Variants in OTOF observed in about 807,000 individuals in gnomAD.
The protein encoded by OTOF is fer-1-like family member 2.
A neutral mutation model predicts 236.8 loss-of-function variants in OTOF; 218 were observed. That is an observed-to-expected ratio of 0.92 (90% CI 0.82 to 1.03). The LOEUF (loss-of-function observed/expected upper bound fraction) is 1.03. OTOF is among the 50% of genes least tolerant of loss of function. The pLI, the probability that OTOF is intolerant of heterozygous loss-of-function variation, is 0.00. For missense variants in OTOF, 2,590 were observed against 2,694.4 expected (o/e 0.96, Z 0.86); for synonymous variants, 1,041 against 1,072.5 (o/e 0.97, Z 0.57).
Position 26,457,841 on chromosome 2 carries a change from T to C in OTOF, c.*397A>G, listed in dbSNP as rs1664258051. On this transcript the variant is annotated 3_prime_UTR_variant, in exon 47 of 47. Coordinates refer to ENST00000272371, the MANE Select transcript of OTOF (RefSeq NM_194248.3). This position sits in a 1 kb window ranked among gnomAD's most constrained non-coding sequence, Gnocchi z 4.4. ...AGGCTCCCCAGCCCACAGGCAGGGG[T>C]CAGAGGGGCGGGACTGGGCAAGCCG... 1.7e-6 allele frequency: 1 copy of C among 577,340 alleles called. No individual in the cohort carries two copies. The highest frequency in any genetic ancestry group is 3.1e-5 in the Admixed American group (1 of 32,420). The allele number at this position is 577,340 out of a possible 1,614,324, so 35.8% of individuals were successfully genotyped here.
At chr2:26,548,090 C>T (rs746785661) in intron 1 of OTOF, among the ~76,000 whole-genome samples, 1 of 151,908 alleles carries the variant, frequency 6.6e-6, no homozygotes, top group Non-Finnish European at 1.5e-5. Flanking sequence ...GGTAATATTC[C>T]CATATTTTCC....
In OTOF at chr2:26,460,219, G is replaced by T. The variant is rs755835380; in HGVS notation, c.5814-14C>A. 6 of 1,593,596 alleles carry T rather than the reference G, an allele frequency of 3.8e-6. No homozygotes were observed. In the African/African-American group the frequency reaches 6.7e-5, roughly 18 times the overall value. ...GTGTCGGGCCGGCTGGAGTATGAAG[G>T]GTAGAGAGCGCAGAGGAGGGACAGG... On this transcript the variant is annotated splice_polypyrimidine_tract_variant and intron_variant, in intron 45 of 46. Coordinates refer to ENST00000272371, the MANE Select transcript of OTOF (RefSeq NM_194248.3). This position sits in a 1 kb window ranked among gnomAD's most constrained non-coding sequence, Gnocchi z 5.3.
intron 3 of OTOF, among the ~76,000 whole-genome samples, chr2:26,524,930 G>T (rs1335687495): frequency 6.6e-6 from 1 of 152,190 alleles, no homozygotes; most frequent in Non-Finnish European, 1.5e-5. Flanking sequence ...TCCTTCAGGG[G>T]CTCTCAGGTG....
At chr2:26,487,247 C>G (rs1462485462) in intron 11 of OTOF, among the ~76,000 whole-genome samples, 1 of 152,146 alleles carries the variant, frequency 6.6e-6, no homozygotes, top group Non-Finnish European at 1.5e-5. Context: ...TGGCTGGAAC[C>G]AACGACTCAT....
chr2:26,459,252 A>G (rs535356623), intron 46 of OTOF, among the ~76,000 whole-genome samples: 4 of 152,256 alleles, frequency 2.6e-5, no homozygotes, highest in South Asian at 4.1e-4. Context: ...CTTTCTGCCA[A>G]TGAAATTGGG....
rs762098379 is a variant in OTOF, at chr2:26,477,269, G to A, written c.2426C>T (p.Ala809Val). The change falls in exon 21 of 47, where the codon GCC becomes GTC. Residue 809 changes from alanine to valine, a missense_variant. By Grantham distance (64) the Ala-to-Val change is moderately conservative. This residue lies in a region of OTOF where 1,379 missense variants were observed against 1,341.6 expected (regional missense o/e 1.03). Transcript: ENST00000272371. This position sits in a 1 kb window ranked among gnomAD's most constrained non-coding sequence, Gnocchi z 4.7. ...CTTCACCTGGGCCCGCAGCATCCTG[G>A]CCTGCTGCCCCATGTTTTCCTGCGA... Reference protein sequence around the residue: ...MRELENMGQQARMLRAQVKRH... With the variant: ...MRELENMGQQVRMLRAQVKRH... 9 of 1,609,216 alleles carry A rather than the reference G, an allele frequency of 5.6e-6. No individual in the cohort carries two copies. The East Asian group carries it at 1.6e-4, about 28-fold the overall frequency.
At chr2:26,514,142 G>A (rs1407149611) in intron 5 of OTOF, among the ~76,000 whole-genome samples, 1 of 152,270 alleles carries the variant, frequency 6.6e-6, no homozygotes, top group Non-Finnish European at 1.5e-5. Context: ...CCTGGCGGGA[G>A]AAGGTGTAGC....
At chr2:26,514,108 A>G (rs1391206699) in intron 5 of OTOF, among the ~76,000 whole-genome samples, 1 of 152,240 alleles carries the variant, frequency 6.6e-6, no homozygotes, top group Non-Finnish European at 1.5e-5. Context: ...TTCCACAACC[A>G]GGCCTGCTGG....
At chr2:26,509,260 G>C (rs961016584) in intron 5 of OTOF, among the ~76,000 whole-genome samples, 4 of 152,142 alleles carry the variant, frequency 2.6e-5, no homozygotes, top group Admixed American at 1.3e-4. Flanking sequence ...AACCCTTGAG[G>C]ACTCCCTAAG....
intron 1 of OTOF, among the ~76,000 whole-genome samples, chr2:26,542,785 G>T (rs1394001314): frequency 6.6e-6 from 1 of 152,198 alleles, no homozygotes; most frequent in Non-Finnish European, 1.5e-5. Flanking sequence ...CTGGAGAGGG[G>T]CTGGGGTCCC....
chr2:26,541,638 G>T (rs887963328), intron 1 of OTOF, among the ~76,000 whole-genome samples: 2 of 152,156 alleles, frequency 1.3e-5, no homozygotes, highest in Admixed American at 6.5e-5. Context: ...GTGATCAGGG[G>T]GATGACTAAC....
chr2:26,527,987 G>A lies in OTOF; in HGVS notation c.139-67C>T, dbSNP rs901171715. 5.3e-6 allele frequency: 6 copies of A among 1,136,592 alleles called. No homozygotes were observed. In the African/African-American group the frequency reaches 9.1e-5, roughly 17 times the overall value. 70.4% of individuals were successfully genotyped at this position (1,136,592 alleles called of 1,614,324 possible). A position where few individuals can be genotyped will look rare whatever the true frequency, so the allele number is the denominator to read the frequency against. ...GGTAGGAGCCGTGGGGTGTGGGAGG[G>A]GAATCTCTTGTGGGGATCTCCAACA... On this transcript the variant is annotated intron_variant, in intron 2 of 46. Transcript: ENST00000272371.
intron 1 of OTOF, among the ~76,000 whole-genome samples, chr2:26,546,568 G>T (rs766032394): frequency 5.3e-5 from 8 of 151,910 alleles, no homozygotes; most frequent in Non-Finnish European, 8.8e-5. Flanking sequence ...GGCTGCTTTA[G>T]CTATTCTAGA....
In OTOF at chr2:26,558,563, C is replaced by T. The variant is rs779861554; in HGVS notation, c.9G>A (p.Leu3=). 3.1e-6 allele frequency: 5 copies of T among 1,613,918 alleles called. No individual in the cohort carries two copies. Among genetic ancestry groups the T allele is most frequent in the Admixed American group, 1.7e-5 (1 of 60,030 alleles). The change falls in exon 1 of 47, where the codon TTG becomes TTA. Residue 3 remains leucine (L), a synonymous_variant. Transcript: ENST00000272371. ...CCGAGACTGTCTTGAGGTGGATGAG[C>T]AAGGCCATGCTGGTGTGGGCTGCCT... is the stretch of plus-strand genomic sequence containing the variant. MA[L]LIHLKTVSEL...
In OTOF at chr2:26,479,484, C is replaced by A. The variant is rs1665462160; in HGVS notation, c.2082G>T (p.Gln694His). The A allele has an allele frequency of 2.5e-6, 4 of 1,601,700 alleles. No homozygotes were observed. The highest frequency in any genetic ancestry group is 3.4e-6 in the Non-Finnish European group (4 of 1,175,104). ...GAGGCTGGGCCCACCTGTCGGTGAC[C>A]TGGGGCCGCATTGGTGGAGTGGAGG... ...SVSSTPPMRPQVTDRNYFHLP... is the reference protein window; with the variant it reads ...SVSSTPPMRPHVTDRNYFHLP... Residue 694 changes from glutamine to histidine, a missense_variant, in exon 17 of 47, where the codon CAG (glutamine) becomes CAT (histidine). This residue lies in a region of OTOF where 1,379 missense variants were observed against 1,341.6 expected (regional missense o/e 1.03). Transcript: ENST00000272371.
chr2:26,465,620 T>C (rs1351044272), intron 38 of OTOF, 52 bp downstream of exon 38: 6 of 1,566,018 alleles, frequency 3.8e-6, no homozygotes, highest in Middle Eastern at 1.7e-4. Context: ...CATTTTAGAG[T>C]GGAGGCAAAG....
chr2:26,533,068 C>T (rs1392109811), intron 2 of OTOF, among the ~76,000 whole-genome samples: 1 of 152,194 alleles, frequency 6.6e-6, no homozygotes, highest in East Asian at 1.9e-4. Context: ...GGTGAGCGAG[C>T]ATTCCCGCCT....
intron 5 of OTOF, among the ~76,000 whole-genome samples, chr2:26,508,010 A>G (rs998452208): frequency 1.3e-5 from 2 of 152,082 alleles, no homozygotes; most frequent in African/African-American, 2.4e-5. Flanking sequence ...CACCAAACTA[A>G]ATTTAGTGAC....
At chr2:26,542,796 G>A (rs1035316332) in intron 1 of OTOF, among the ~76,000 whole-genome samples, 2 of 152,286 alleles carry the variant, frequency 1.3e-5, no homozygotes, top group South Asian at 2.1e-4. Context: ...CTGGGGTCCC[G>A]AAAGGGCAGA....
Sources: allele counts gnomAD v4.1 joint callset (sites outside exome capture counted in the v4.1 genomes callset), GRCh38; gene constraint gnomAD v4.1.1; regional missense constraint gnomAD v4.1.1; non-coding constraint Gnocchi (gnomAD v3.1); transcripts MANE v1.5; gene names NCBI Gene and HGNC (gene_info 2026-07-23, HGNC 2026-07-21).